SNX29: variants seen among roughly 807,000 people sequenced by gnomAD.
SNX29 encodes sorting nexin 29, also known as sorting nexin-29.
SNX29 carries 78 observed loss-of-function variants against 102.1 expected under a neutral mutation model. That is an observed-to-expected ratio of 0.76 (90% CI 0.64 to 0.92). The LOEUF (loss-of-function observed/expected upper bound fraction) is 0.92. SNX29 is among the 40% of genes least tolerant of loss of function. The probability of loss-of-function intolerance (pLI) is 0.00; values close to 1 mark genes in which losing one functional copy is unlikely to be tolerated. For synonymous variants in SNX29, 580 were observed against 414.5 expected (o/e 1.40, Z -4.85); for missense variants, 1,280 against 1,061.7 (o/e 1.21, Z -2.86).
At chr16:12,111,518 T>C (rs531721221) in intron 11 of SNX29, among the ~76,000 whole-genome samples, 1 of 152,262 alleles carries the variant, frequency 6.6e-6, no homozygotes, top group African/African-American at 2.4e-5. Context: ...CAGACTTCCC[T>C]TTACGTCTCA....
intron 3 of SNX29, among the ~76,000 whole-genome samples, chr16:12,013,291 A>G (rs1283043596): frequency 2.0e-5 from 3 of 151,244 alleles, no homozygotes; most frequent in East Asian, 4.0e-4. Context: ...AATTAAAGCA[A>G]CAGTGAGCTG....
intron 20 of SNX29, 107 bp from the exon 21 acceptor site, chr16:12,568,399 G>A: frequency 6.9e-7 from 1 of 1,456,568 alleles, no homozygotes; most frequent in Non-Finnish European, 9.3e-7. Context: ...GCCAGTCACA[G>A]TTGCCAATCA....
At chr16:12,073,910 T>G (rs2051421144) in intron 10 of SNX29, among the ~76,000 whole-genome samples, 1 of 152,072 alleles carries the variant, frequency 6.6e-6, no homozygotes. Flanking sequence ...TTGATCCCTT[T>G]ACCATTATGT....
chr16:12,334,846 G>A (rs533534126), intron 15 of SNX29, among the ~76,000 whole-genome samples: 7 of 146,394 alleles, frequency 4.8e-5, no homozygotes, highest in Non-Finnish European at 7.4e-5. Flanking sequence ...TACCTGCCTG[G>A]TCCCTATAGG....
At chr16:12,061,226 G>A (rs1295664989) in intron 8 of SNX29, among the ~76,000 whole-genome samples, 3 of 152,164 alleles carry the variant, frequency 2.0e-5, no homozygotes, top group African/African-American at 7.2e-5. Context: ...TCATGTTCAT[G>A]CCCCCCAACA....
intron 14 of SNX29, among the ~76,000 whole-genome samples, chr16:12,211,524 A>T (rs1485545944): frequency 3.3e-5 from 5 of 152,166 alleles, no homozygotes; most frequent in African/African-American, 1.2e-4. Context: ...TCACTGTATT[A>T]GTCAGGGTTC....
chr16:12,453,902 T>C (rs1008165623), intron 18 of SNX29, among the ~76,000 whole-genome samples: 2 of 152,182 alleles, frequency 1.3e-5, no homozygotes, highest in African/African-American at 2.4e-5. Context: ...ATTGGATGTA[T>C]AGGAGTGTGG....
chr16:12,027,325 C>T lies in SNX29; in HGVS notation c.128C>T (p.Thr43Ile), dbSNP rs1410114509. ...EIASDSDSRV[T>I]CLCAQFEAVL... Reference sequence around the variant, plus strand: ...AGTCATTGGTTTTCTCACAGGGTCACCTGTCTGTGTGCCCAGTTTGAAGCC... The same window carrying T: ...AGTCATTGGTTTTCTCACAGGGTCATCTGTCTGTGTGCCCAGTTTGAAGCC... Residue 43 changes from threonine (T) to isoleucine (I), a missense_variant, in exon 4 of 21, where the codon ACC becomes ATC. Transcript: ENST00000566228. 6.2e-7 allele frequency: 1 copy of T among 1,613,748 alleles called. No homozygotes were observed.
intron 14 of SNX29, among the ~76,000 whole-genome samples, chr16:12,204,081 C>T (rs1013963402): frequency 4.6e-5 from 7 of 152,232 alleles, no homozygotes; most frequent in African/African-American, 9.6e-5. Context: ...AGACTGGGGC[C>T]GCTGTAGTCA....
intron 16 of SNX29, among the ~76,000 whole-genome samples, chr16:12,380,293 C>A (rs948109414): frequency 1.4e-5 from 2 of 147,950 alleles, no homozygotes; most frequent in African/African-American, 2.6e-5. Flanking sequence ...TCATCTACCC[C>A]CCAACACCCA....
chr16:12,549,905 G>A (rs1029112266), intron 20 of SNX29, among the ~76,000 whole-genome samples: 3 of 152,232 alleles, frequency 2.0e-5, no homozygotes, highest in Non-Finnish European at 2.9e-5. Flanking sequence ...GAAAATGATG[G>A]CCCACAGGCC....
intron 20 of SNX29, among the ~76,000 whole-genome samples, chr16:12,542,759 CTTT>C (rs36004047): frequency 2.1e-5 from 3 of 144,702 alleles, no homozygotes; most frequent in East Asian, 2.0e-4. Flanking sequence ...CTATCACTGC[CTTT>C]TTTTTTTTTT....
chr16:12,398,015 C>T (rs1313706225), intron 16 of SNX29, among the ~76,000 whole-genome samples: 2 of 152,160 alleles, frequency 1.3e-5, no homozygotes, highest in Non-Finnish European at 2.9e-5. Context: ...AAGGATGGAG[C>T]CCTTGTGGGG....
intron 19 of SNX29, among the ~76,000 whole-genome samples, chr16:12,485,860 C>T (rs1346785175): frequency 2.0e-5 from 3 of 152,232 alleles, no homozygotes; most frequent in South Asian, 2.1e-4. Flanking sequence ...CTGCAGGAGG[C>T]GAAATGCTTG....
chr16:12,325,590 C>T (rs750617950), intron 15 of SNX29, among the ~76,000 whole-genome samples: 101 of 152,104 alleles, frequency 6.6e-4, no homozygotes, highest in Middle Eastern at 3.2e-3. Context: ...AGATAAAATG[C>T]ATTAATTAAA....
At position 12,292,819 on chromosome 16, in the gene SNX29, G is replaced by A. The variant is rs551852339; in HGVS notation, c.1782+14783G>A. ...TGTTGCCTCCCTGTTCTCTTCCTCTGTGAGGCTGATACAAGGCACAGTGGC... is the reference window on the plus strand; with the variant it reads ...TGTTGCCTCCCTGTTCTCTTCCTCTATGAGGCTGATACAAGGCACAGTGGC... On this transcript the variant is annotated intron_variant, in intron 15 of 20. Transcript: ENST00000566228. 1.1e-3 allele frequency among the ~76,000 whole-genome samples: 162 copies of A among 152,298 alleles called. 1 individual carries two copies. Among genetic ancestry groups the A allele is most frequent in the African/African-American group, 3.6e-3 (150 of 41,556 alleles).
chr16:12,408,180 A>AC (rs1353331295), intron 18 of SNX29, among the ~76,000 whole-genome samples: 3 of 144,386 alleles, frequency 2.1e-5, no homozygotes, highest in East Asian at 4.7e-4. Context: ...AAACAAACAA[A>AC]AAAAAAACTA....
chr16:12,484,984 C>T (rs2088155118), intron 19 of SNX29, among the ~76,000 whole-genome samples: 1 of 152,226 alleles, frequency 6.6e-6, no homozygotes, highest in Admixed American at 6.5e-5. Flanking sequence ...TACCAAGATA[C>T]TCACGGTCTA....
At chr16:12,561,397 C>G (rs533187437) in intron 20 of SNX29, among the ~76,000 whole-genome samples, 1 of 152,276 alleles carries the variant, frequency 6.6e-6, no homozygotes, top group East Asian at 1.9e-4. Context: ...ACATCCCCGC[C>G]ACACACACAG....
Sources: gnomAD v4.1 joint callset for allele counts (sites outside exome capture counted in the v4.1 genomes callset) on GRCh38, gnomAD v4.1.1 for gene constraint, MANE v1.5 for transcripts, NCBI Gene and HGNC (gene_info 2026-07-23, HGNC 2026-07-21) for gene names.